KSR2: variants seen among roughly 807,000 people sequenced by gnomAD.
KSR2 encodes kinase suppressor of ras 2.
A neutral mutation model predicts 107.8 loss-of-function variants in KSR2; 25 were observed. That is an observed-to-expected ratio of 0.23 (90% CI 0.17 to 0.32). The LOEUF (loss-of-function observed/expected upper bound fraction) is 0.32. Ranked by LOEUF, KSR2 falls within the 10% of genes least tolerant of loss-of-function variation. The probability of loss-of-function intolerance (pLI) is 1.00; values close to 1 mark genes in which losing one functional copy is unlikely to be tolerated. For missense variants in KSR2, 887 were observed against 1,268.9 expected, an observed-to-expected ratio of 0.70 and a Z score of 4.57; for synonymous variants, 480 against 507.0, an observed-to-expected ratio of 0.95 and a Z score of 0.71.
chr12:117,588,157 C>A (rs1880120275), intron 5 of KSR2, among the ~76,000 whole-genome samples: 1 of 152,196 alleles, frequency 6.6e-6, no homozygotes, highest in African/African-American at 2.4e-5. Context: ...ATTGGCCCCA[C>A]AGCCTGTATT....
intron 4 of KSR2, among the ~76,000 whole-genome samples, chr12:117,742,073 CA>C (rs1279123183): frequency 6.6e-6 from 1 of 152,186 alleles, no homozygotes; most frequent in East Asian, 1.9e-4. Context: ...GCACTGAGAA[CA>C]CCACTTCGCT....
intron 3 of KSR2, among the ~76,000 whole-genome samples, chr12:117,767,468 C>T (rs1260055638): frequency 3.3e-5 from 5 of 149,532 alleles, no homozygotes; most frequent in Non-Finnish European, 7.4e-5. Context: ...AACAGGTACA[C>T]AAAAAGGAAA....
At chr12:117,536,230 A>T (rs1876045691) in intron 10 of KSR2, among the ~76,000 whole-genome samples, 1 of 152,196 alleles carries the variant, frequency 6.6e-6, no homozygotes, top group East Asian at 1.9e-4. Flanking sequence ...AGAAAACTCA[A>T]CATCTGGCAG....
At chr12:117,898,164 T>C (rs1417109744) in intron 1 of KSR2, among the ~76,000 whole-genome samples, 1 of 152,156 alleles carries the variant, frequency 6.6e-6, no homozygotes, top group African/African-American at 2.4e-5. Flanking sequence ...CATGAACACT[T>C]ACAGCGAATG....
intron 19 of KSR2, among the ~76,000 whole-genome samples, chr12:117,468,876 T>C (rs191428821): frequency 6.6e-6 from 1 of 152,152 alleles, no homozygotes; most frequent in Admixed American, 6.5e-5. Context: ...TGAATTTGTA[T>C]AGAGGTATGT....
At position 117,630,841 on chromosome 12, in the gene KSR2, C is replaced by T. The variant is rs117545302; in HGVS notation, c.1171+36633G>A. Reference sequence around the variant, plus strand: ...ATTGATGGGTAGAGAAACTGGGGACCGGGGTTACATCTTCTGCAAAAAGCA... The same window carrying T: ...ATTGATGGGTAGAGAAACTGGGGACTGGGGTTACATCTTCTGCAAAAAGCA... On this transcript the variant is annotated intron_variant, in intron 5 of 19. Coordinates refer to ENST00000339824, the MANE Select transcript of KSR2 (RefSeq NM_173598.6). 1.6e-3 allele frequency among the ~76,000 whole-genome samples: 239 copies of T among 152,038 alleles called. 1 individual carries two copies. The highest frequency in any genetic ancestry group is 2.6e-3 in the Non-Finnish European group (175 of 67,968).
intron 1 of KSR2, among the ~76,000 whole-genome samples, chr12:117,910,732 G>C (rs924673862): frequency 1.3e-5 from 2 of 152,148 alleles, no homozygotes; most frequent in African/African-American, 2.4e-5. Context: ...AGAGAGTGCT[G>C]GAGTATGTTG....
rs553481622 is a variant in KSR2 at position 117,535,761 on chromosome 12, C to T, written c.1687+3958G>A. Among the ~76,000 whole-genome samples the T allele has an allele frequency of 2.6e-5, 4 of 152,214 alleles. No individual in the cohort carries two copies. In the South Asian group the frequency reaches 6.2e-4, roughly 24 times the overall value. ...CATAAGACAATCATTTTCGAAGCCT[C>T]TTCATCTGTCTTGCCATGATGGATG... On this transcript the variant is annotated intron_variant, in intron 10 of 19. Transcript: ENST00000339824.
intron 3 of KSR2, among the ~76,000 whole-genome samples, chr12:117,767,257 CAAAAAAAA>C (rs1203613217): frequency 8.3e-6 from 1 of 120,010 alleles, no homozygotes; most frequent in Non-Finnish European, 1.7e-5. Context: ...ACTAAAAATC[CAAAAAAAA>C]AAAAAAAAAA....
chr12:117,668,332 C>T (rs79520855), intron 4 of KSR2, among the ~76,000 whole-genome samples: 1,788 of 152,318 alleles, frequency 0.012, 24 homozygotes, highest in East Asian at 0.047. Context: ...GCTCTTGGTC[C>T]GGTGCCTACC....
chr12:117,731,205 G>A lies in KSR2; in HGVS notation c.986+29806C>T, dbSNP rs564611061. On this transcript the variant is annotated intron_variant, in intron 4 of 19. Transcript: ENST00000339824. The stretch of plus-strand genomic sequence containing the variant: ...AGTGTCTCTGCCCGGCCGCCACCCC[G>A]TCTGGGAGGTGAGGAGTGTCTCTGC... Among the ~76,000 whole-genome samples the A allele has an allele frequency of 7.4e-5, 11 of 148,606 alleles. No individual in the cohort carries two copies. In the East Asian group the frequency reaches 2.3e-3, roughly 31 times the overall value.
Position 117,678,207 on chromosome 12 carries a change from G to T in KSR2, c.987-10549C>A, listed in dbSNP as rs185883212. ...CTCAAGTGATCCACCCACCTCACAC[G>T]CCCAAAGTGCTGGAATTAAGGCATG... On this transcript the variant is annotated intron_variant, in intron 4 of 19. Transcript: ENST00000339824. 4.3e-3 allele frequency among the ~76,000 whole-genome samples: 629 copies of T among 147,904 alleles called. 9 individuals carry two copies. Among genetic ancestry groups the T allele is most frequent in the African/African-American group, 0.015 (596 of 40,004 alleles).
At chr12:117,911,818 A>AT (rs1566078739) in intron 1 of KSR2, among the ~76,000 whole-genome samples, 1 of 152,194 alleles carries the variant, frequency 6.6e-6, no homozygotes, top group Non-Finnish European at 1.5e-5. Flanking sequence ...AGGCATAAGT[A>AT]ACATATATAA....
Position 117,723,827 on chromosome 12 carries a change from G to A in KSR2, c.986+37184C>T, listed in dbSNP as rs577778059. ...ATCATTTTTTAAAAAAATCTAATAC[G>A]GGATTTTTGAAGTTATGCAAATAAC... is the stretch of plus-strand genomic sequence containing the variant. On this transcript the variant is annotated intron_variant, in intron 4 of 19. Transcript: ENST00000339824. Among the ~76,000 whole-genome samples the A allele has an allele frequency of 1.1e-3, 169 of 151,990 alleles. 1 individual carries two copies. The highest frequency in any genetic ancestry group is 1.8e-3 in the Non-Finnish European group (123 of 67,990).
chr12:117,698,629 C>A (rs755233443), intron 4 of KSR2, among the ~76,000 whole-genome samples: 4 of 152,066 alleles, frequency 2.6e-5, no homozygotes, highest in Non-Finnish European at 4.4e-5. Context: ...CCCGGCCAGA[C>A]TTTTTCTCTT....
rs780702481 is a variant in KSR2, at chr12:117,860,362, C to T, written c.250G>A (p.Ala84Thr). ...KKKVALQERN[A>T]ELDGFPQLRH... ...AGCTGGGGGAAGCCGTCCAGCTCCGCGTTGCGCTCCTGCAAGGCTACCTTC... is the reference window on the plus strand; with the variant it reads ...AGCTGGGGGAAGCCGTCCAGCTCCGTGTTGCGCTCCTGCAAGGCTACCTTC... The change falls in exon 2 of 20, where the codon GCG becomes ACG. Residue 84 changes from alanine (A) to threonine (T), a missense_variant. This residue lies in a region of KSR2 where 399 missense variants were observed against 479.5 expected (regional missense o/e 0.83). Coordinates refer to ENST00000339824, the MANE Select transcript of KSR2 (RefSeq NM_173598.6). The T allele has an allele frequency of 3.1e-6, 5 of 1,613,666 alleles. No individual in the cohort carries two copies. The highest frequency in any genetic ancestry group is 1.1e-5 in the South Asian group (1 of 91,058).
chr12:117,731,058 G>A (rs1319000522), intron 4 of KSR2, among the ~76,000 whole-genome samples: 4 of 151,888 alleles, frequency 2.6e-5, no homozygotes, highest in Non-Finnish European at 5.9e-5. Flanking sequence ...CGTCTAGGAA[G>A]TGAGGAGCGT....
In KSR2 at chr12:117,548,530, ACT is replaced by A. The variant is rs145087301; in HGVS notation, c.1518+6637_1518+6638del. On this transcript the variant is annotated intron_variant, in intron 9 of 19. Coordinates refer to ENST00000339824, the MANE Select transcript of KSR2 (RefSeq NM_173598.6). Reference sequence around the variant, plus strand: ...GAACATACAAAATACATGTTAATAAACTCTGTGTTATTGGTAAGGCTTCTGAT... The same window carrying A: ...GAACATACAAAATACATGTTAATAAACTGTGTTATTGGTAAGGCTTCTGAT... Among the ~76,000 whole-genome samples, 490 of 152,106 alleles carry A rather than the reference ACT, an allele frequency of 3.2e-3. 3 individuals are homozygous for A. Among genetic ancestry groups the A allele is most frequent in the African/African-American group, 0.011 (457 of 41,486 alleles).
At chr12:117,704,980 A>T in intron 4 of KSR2, among the ~76,000 whole-genome samples, 1 of 152,184 alleles carries the variant, frequency 6.6e-6, no homozygotes, top group East Asian at 1.9e-4. Context: ...CTGAACTTTT[A>T]TTCAGTCGCC....
Sources: gnomAD v4.1 joint callset for allele counts (sites outside exome capture counted in the v4.1 genomes callset) on GRCh38, gnomAD v4.1.1 for gene constraint, gnomAD v4.1.1 regional missense constraint, MANE v1.5 for transcripts, NCBI Gene and HGNC (gene_info 2026-07-23, HGNC 2026-07-21) for gene names.